The following TXNDC16 variants were observed in gnomAD, a reference collection of about 807,000 sequenced individuals.
The protein encoded by TXNDC16 is thioredoxin domain containing 16, also known as thioredoxin domain-containing protein 16.
In TXNDC16, 74 loss-of-function variants were observed where a neutral mutation model predicts 85.6. The observed-to-expected ratio is 0.86, with a 90% confidence interval of 0.72 to 1.05. The LOEUF (loss-of-function observed/expected upper bound fraction) is 1.05, where lower values mean the gene tolerates loss of function less well. Ranked by LOEUF, TXNDC16 falls within the 50% of genes least tolerant of loss-of-function variation. The pLI is 0.00. For synonymous variants in TXNDC16, 335 were observed against 326.5 expected (o/e 1.03, Z -0.28); for missense variants, 959 against 947.0 (o/e 1.01, Z -0.17).
At chr14:52,518,609 T>A (rs1260439425) in intron 7 of TXNDC16, among the ~76,000 whole-genome samples, 1 of 152,140 alleles carries the variant, frequency 6.6e-6, no homozygotes, top group Non-Finnish European at 1.5e-5. Flanking sequence ...CCCAGCATCA[T>A]CTCTTGCTTG....
rs1470382796 is a variant in TXNDC16 at position 52,511,227 on chromosome 14, A to G, written c.756+13T>C. 1 of 1,508,628 alleles carries G rather than the reference A, an allele frequency of 6.6e-7. No individual in the cohort carries two copies. The highest frequency in any genetic ancestry group is 8.9e-7 in the Non-Finnish European group (1 of 1,119,322). The allele number at this position is 1,508,628 out of a possible 1,614,324, so 93.5% of individuals were successfully genotyped here. A position where few individuals can be genotyped will look rare whatever the true frequency, so the allele number is the denominator to read the frequency against. On this transcript the variant is annotated intron_variant, in intron 9 of 20. Coordinates refer to ENST00000281741, the MANE Select transcript of TXNDC16 (RefSeq NM_020784.3). ...AGTAGAAAGCAAATAAAAATATAAAATAAGACACATACCAACAGAGGTGCT... is the reference window on the plus strand; with the variant it reads ...AGTAGAAAGCAAATAAAAATATAAAGTAAGACACATACCAACAGAGGTGCT...
chr14:52,479,791 C>A (rs2036104537), intron 14 of TXNDC16, among the ~76,000 whole-genome samples: 1 of 151,998 alleles, frequency 6.6e-6, no homozygotes, highest in African/African-American at 2.4e-5. Context: ...AAAATACCAC[C>A]ATCATTCTTC....
chr14:52,499,052 T>C (rs1391293078), intron 9 of TXNDC16, among the ~76,000 whole-genome samples: 1 of 152,062 alleles, frequency 6.6e-6, no homozygotes, highest in African/African-American at 2.4e-5. Flanking sequence ...GACAAGGATG[T>C]CAAAACCACT....
Position 52,432,429 on chromosome 14 carries a change from A to T in TXNDC16, c.2353T>A (p.Ser785Thr). 1.2e-6 allele frequency: 2 copies of T among 1,613,886 alleles called. No homozygotes were observed. The change falls in exon 21 of 21, where the codon TCG (serine) becomes ACG (threonine). Residue 785 changes from serine to threonine, a missense_variant. Ser to Thr is a moderately conservative substitution (Grantham distance 58). Transcript: ENST00000281741. Reference sequence around the variant, plus strand: ...TCAATCGGTTCTTTTCTGACTGCCGATTTATCTTCATGTTGTTCCTTATCA... The same window carrying T: ...TCAATCGGTTCTTTTCTGACTGCCGTTTTATCTTCATGTTGTTCCTTATCA... ...ENDKEQHEDKSAVRKEPIETL... is the reference protein window; with the variant it reads ...ENDKEQHEDKTAVRKEPIETL...
rs200082062 is a variant in TXNDC16, at chr14:52,482,790, T to C, written c.1252+32A>G. On this transcript the variant is annotated intron_variant, in intron 13 of 20. Transcript: ENST00000281741. ...AAATCTGGGTTTTTAAATGTCCTAA[T>C]ATGTAACAGTCCTCTAAAGGCTCAT... The C allele has an allele frequency of 1.5e-4, 233 of 1,549,150 alleles. 1 individual carries two copies. The East Asian group carries it at 4.8e-3, about 32-fold the overall frequency.
intron 18 of TXNDC16, among the ~76,000 whole-genome samples, chr14:52,441,379 C>T (rs1319452298): frequency 6.6e-6 from 1 of 152,080 alleles, no homozygotes; most frequent in Non-Finnish European, 1.5e-5. Flanking sequence ...GAGGCCGACG[C>T]AGGCAGATCG....
At chr14:52,507,433 G>A (rs1200281958) in intron 9 of TXNDC16, among the ~76,000 whole-genome samples, 2 of 152,008 alleles carry the variant, frequency 1.3e-5, no homozygotes, top group Admixed American at 1.3e-4. Context: ...ACAAATGGAA[G>A]AATATTCCAT....
chr14:52,496,678 T>G (rs1015512370), intron 9 of TXNDC16, among the ~76,000 whole-genome samples: 2 of 151,236 alleles, frequency 1.3e-5, no homozygotes, highest in Admixed American at 6.6e-5. Flanking sequence ...TGATTACAGC[T>G]CACTACAGCC....
intron 9 of TXNDC16, among the ~76,000 whole-genome samples, chr14:52,497,283 A>G (rs1378664382): frequency 5.9e-5 from 9 of 152,198 alleles, no homozygotes; most frequent in Non-Finnish European, 1.3e-4. Context: ...TGAATCATTA[A>G]TAGAAAATCT....
chr14:52,479,101 T>C (rs1218074865), intron 14 of TXNDC16, among the ~76,000 whole-genome samples: 2 of 152,022 alleles, frequency 1.3e-5, no homozygotes, highest in African/African-American at 2.4e-5. Context: ...AAGCATTCGA[T>C]AAAATCCAGC....
chr14:52,439,559 C>T lies in TXNDC16; in HGVS notation c.2004-165G>A, dbSNP rs372638200. Among the ~76,000 whole-genome samples the T allele has an allele frequency of 1.2e-4, 19 of 152,180 alleles. No homozygotes were observed. In the East Asian group the frequency reaches 2.1e-3, roughly 17 times the overall value. On this transcript the variant is annotated intron_variant, in intron 19 of 20. Transcript: ENST00000281741. Reference sequence around the variant, plus strand: ...AAGTCTACGACATGTTATTAGTAACCGGATTCTTTTAAAGTTTCTTTTTAA... The same window carrying T: ...AAGTCTACGACATGTTATTAGTAACTGGATTCTTTTAAAGTTTCTTTTTAA...
At chr14:52,529,437 C>T (rs565277081) in intron 6 of TXNDC16, among the ~76,000 whole-genome samples, 2 of 149,360 alleles carry the variant, frequency 1.3e-5, no homozygotes, top group Non-Finnish European at 1.5e-5. Context: ...CAAACCTGCA[C>T]GTTGTGCACA....
At position 52,439,244 on chromosome 14, in the gene TXNDC16, C is replaced by T. The variant is rs1375984630; in HGVS notation, c.2154G>A (p.Leu718=). Residue 718 remains leucine (L), a synonymous_variant, in exon 20 of 21, where the codon TTG becomes TTA. Coordinates refer to ENST00000281741, the MANE Select transcript of TXNDC16 (RefSeq NM_020784.3). Reference sequence around the variant, plus strand: ...GTCCTGCTTCTAATTTCTTCAGCCACAATACAAGGTTTTCTTCAATTATAG... The same window carrying T: ...GTCCTGCTTCTAATTTCTTCAGCCATAATACAAGGTTTTCTTCAATTATAG... ...DQAIIEENLV[L]WLKKLEAGLE... 4.3e-6 allele frequency: 7 copies of T among 1,614,006 alleles called. No homozygotes were observed. The Admixed American group carries it at 8.3e-5, about 19-fold the overall frequency.
At chr14:52,545,136 C>T (rs1414443856) in intron 1 of TXNDC16, among the ~76,000 whole-genome samples, 3 of 152,066 alleles carry the variant, frequency 2.0e-5, no homozygotes, top group Non-Finnish European at 4.4e-5. Flanking sequence ...GTGAAAGATT[C>T]CAGTATAGAA....
intron 7 of TXNDC16, among the ~76,000 whole-genome samples, chr14:52,517,222 C>T (rs186286247): frequency 6.6e-6 from 1 of 152,126 alleles, no homozygotes; most frequent in African/African-American, 2.4e-5. Context: ...TAATAATTTC[C>T]CTGCCCCGTT....
At chr14:52,438,910 C>T (rs1246326794) in intron 20 of TXNDC16, among the ~76,000 whole-genome samples, 1 of 152,136 alleles carries the variant, frequency 6.6e-6, no homozygotes, top group Non-Finnish European at 1.5e-5. Context: ...AAAGCTCCCA[C>T]TGTAACAACT....
In TXNDC16 at chr14:52,470,587, A is replaced by G. The variant is rs377152470; in HGVS notation, c.1406T>C (p.Met469Thr). 1.2e-6 allele frequency: 2 copies of G among 1,613,894 alleles called. No homozygotes were observed. The highest frequency in any genetic ancestry group is 2.7e-5 in the African/African-American group (2 of 74,936). Reference protein sequence around the residue: ...QNVTEFPIIKMYKKGENPVSY... With the variant: ...QNVTEFPIIKTYKKGENPVSY... ...TACTGGGTTCTCGCCTTTCTTGTAC[A>G]TCTTTATGATAGGAAATTCAGTAAC... Residue 469 changes from methionine (M) to threonine (T), a missense_variant, in exon 15 of 21, where the codon ATG becomes ACG. By Grantham distance (81) the Met-to-Thr change is moderately conservative. Transcript: ENST00000281741.
In TXNDC16 at chr14:52,439,194, G is replaced by A. The variant is rs1555332464; in HGVS notation, c.2194+10C>T. 30 of 1,612,386 alleles carry A rather than the reference G, an allele frequency of 1.9e-5. No homozygotes were observed. In the South Asian group the frequency reaches 3.1e-4, roughly 17 times the overall value. ...AGAACTACATGTATTAAACAAAACA[G>A]AAAACTTACTGATATGATTTTCTAG... On this transcript the variant is annotated intron_variant, in intron 20 of 20. Coordinates refer to ENST00000281741, the MANE Select transcript of TXNDC16 (RefSeq NM_020784.3).
chr14:52,450,542 A>G (rs996199366), intron 18 of TXNDC16, among the ~76,000 whole-genome samples: 2 of 151,898 alleles, frequency 1.3e-5, no homozygotes, highest in African/African-American at 2.4e-5. Flanking sequence ...TTATCAGGGA[A>G]ATACAAATCA....
Sources: gnomAD v4.1 joint callset for allele counts (sites outside exome capture counted in the v4.1 genomes callset) on GRCh38, gnomAD v4.1.1 for gene constraint, MANE v1.5 for transcripts, NCBI Gene and HGNC (gene_info 2026-07-23, HGNC 2026-07-21) for gene names.